The following GPHN variants were observed in gnomAD, a reference collection of about 807,000 sequenced individuals.
GPHN encodes gephyrin.
A neutral mutation model predicts 95.5 loss-of-function variants in GPHN; 17 were observed. The observed-to-expected ratio is 0.18, with a 90% CI of 0.12 to 0.27. The LOEUF is 0.27. GPHN is among the 10% of genes least tolerant of loss of function. The pLI is 1.00. For missense variants in GPHN, 660 were observed against 978.1 expected, an observed-to-expected ratio of 0.67 and a Z score of 4.34; for synonymous variants, 320 against 322.5, an observed-to-expected ratio of 0.99 and a Z score of 0.08.
the GPHN span, among the ~76,000 whole-genome samples, chr14:67,206,510 CA>C: frequency 6.6e-6 from 1 of 151,710 alleles, no homozygotes; most frequent in Non-Finnish European, 1.5e-5. Flanking sequence ...AACAAACAAA[CA>C]AACAAAAAAA....
intron 4 of GPHN, among the ~76,000 whole-genome samples, chr14:66,873,354 A>G (rs1327346496): frequency 6.6e-6 from 1 of 152,222 alleles, no homozygotes; most frequent in Non-Finnish European, 1.5e-5. Flanking sequence ...GCAGACACCA[A>G]GCTAGCTGCA....
the GPHN span, among the ~76,000 whole-genome samples, chr14:67,526,077 T>C: frequency 7.2e-5 from 11 of 152,230 alleles, no homozygotes; most frequent in African/African-American, 2.2e-4. Flanking sequence ...CTGATTCCTT[T>C]GTGTGGGTCC....
At chr14:67,298,178 T>A in the GPHN span, among the ~76,000 whole-genome samples, 1 of 152,160 alleles carries the variant, frequency 6.6e-6, no homozygotes. Flanking sequence ...CACTCAGAAC[T>A]AGAATGGTCA....
At chr14:66,729,655 C>G (rs1157168982) in intron 2 of GPHN, among the ~76,000 whole-genome samples, 1 of 152,078 alleles carries the variant, frequency 6.6e-6, no homozygotes, top group Non-Finnish European at 1.5e-5. Context: ...CATCAGAGAT[C>G]ATTATTTTTT....
At chr14:67,362,855 A>G in the GPHN span, among the ~76,000 whole-genome samples, 28,882 of 152,106 alleles carry the variant, frequency 0.19, 4,407 homozygotes, top group East Asian at 0.48. Context: ...CTTAACTACT[A>G]TCTATCTTTA....
chr14:67,305,109 G>T, the GPHN span, among the ~76,000 whole-genome samples: 14 of 152,260 alleles, frequency 9.2e-5, no homozygotes, highest in South Asian at 1.5e-3. Context: ...TCTGTGCATT[G>T]TGCTGTTCCC....
chr14:67,058,190 A>G (rs1261173082), intron 10 of GPHN, among the ~76,000 whole-genome samples: 1 of 152,198 alleles, frequency 6.6e-6, no homozygotes, highest in Non-Finnish European at 1.5e-5. Context: ...TTTATATTTC[A>G]ATCCTTTTTT....
the GPHN span, among the ~76,000 whole-genome samples, chr14:67,373,842 A>AGTGTGT: frequency 0.017 from 2,432 of 145,782 alleles, 58 homozygotes; most frequent in East Asian, 0.055. Flanking sequence ...TAATTTGTTC[A>AGTGTGT]GTGTGTGTGT....
At chr14:67,723,110 A>G in the GPHN span, among the ~76,000 whole-genome samples, 1 of 152,204 alleles carries the variant, frequency 6.6e-6, no homozygotes, top group Non-Finnish European at 1.5e-5. Flanking sequence ...GCTGTTAAGT[A>G]CCAGGTAGTT....
chr14:66,826,715 AGGGCAAGGTATAG>A (rs1377373027), intron 4 of GPHN, among the ~76,000 whole-genome samples: 2 of 152,188 alleles, frequency 1.3e-5, no homozygotes, highest in African/African-American at 4.8e-5. Context: ...GGAGATGCAC[AGGGCAAGGTATAG>A]GGGCAAGGAG....
In GPHN at chr14:66,796,914, G is replaced by T. The variant is rs867909371; in HGVS notation, c.201+20393G>T. Among the ~76,000 whole-genome samples the T allele has an allele frequency of 4.3e-4, 65 of 150,862 alleles. 1 individual carries two copies. Among genetic ancestry groups the T allele is most frequent in the Admixed American group, 4.0e-4 (6 of 15,126 alleles). On this transcript the variant is annotated intron_variant, in intron 3 of 22. Coordinates refer to ENST00000478722, the MANE Select transcript of GPHN (RefSeq NM_020806.5). The stretch of plus-strand genomic sequence containing the variant: ...TTTGCCCAGATCAATGTCCTGGAGA[G>T]TTTCCCCTATGTTTTCTTGTAGTTT...
At chr14:66,574,046 CTAACTTTGCATTTTCTGGTAGTTTG>C (rs1219184704) in intron 1 of GPHN, among the ~76,000 whole-genome samples, 1 of 152,166 alleles carries the variant, frequency 6.6e-6, no homozygotes, top group Non-Finnish European at 1.5e-5. Context: ...TATGCTACTA[CTAACTTTGCATTTTCTGGTAGTTTG>C]TAGATTCTTT....
At chr14:67,625,479 G>A in the GPHN span, among the ~76,000 whole-genome samples, 2 of 151,746 alleles carry the variant, frequency 1.3e-5, no homozygotes, top group Non-Finnish European at 2.9e-5. Context: ...AGGAGTTCGA[G>A]ACCAGCCTCA....
the GPHN span, among the ~76,000 whole-genome samples, chr14:67,543,316 G>A: frequency 2.6e-5 from 4 of 152,222 alleles, no homozygotes; most frequent in Non-Finnish European, 5.9e-5. Flanking sequence ...TCCTGGACTA[G>A]TCTGGACTAG....
chr14:67,285,797 T>G, the GPHN span, among the ~76,000 whole-genome samples: 3 of 152,208 alleles, frequency 2.0e-5, no homozygotes, highest in African/African-American at 4.8e-5. Flanking sequence ...GTTGCCTGTT[T>G]CAGAGTCCAT....
the GPHN span, among the ~76,000 whole-genome samples, chr14:67,663,659 G>A: frequency 6.6e-6 from 1 of 152,096 alleles, no homozygotes; most frequent in South Asian, 2.1e-4. Context: ...GGGCGACAGA[G>A]GGAGACTCCA....
At chr14:66,940,428 C>A (rs1297477067) in intron 8 of GPHN, among the ~76,000 whole-genome samples, 1 of 152,124 alleles carries the variant, frequency 6.6e-6, no homozygotes. Context: ...GTTCCTCTTT[C>A]TTTCCTCCAT....
At chr14:67,416,594 C>T in the GPHN span, among the ~76,000 whole-genome samples, 1 of 152,224 alleles carries the variant, frequency 6.6e-6, no homozygotes, top group Non-Finnish European at 1.5e-5. Flanking sequence ...GCTAGTTGCT[C>T]TGCTACAACA....
At chr14:67,706,527 C>A in the GPHN span, among the ~76,000 whole-genome samples, 2 of 152,154 alleles carry the variant, frequency 1.3e-5, no homozygotes, top group Non-Finnish European at 2.9e-5. Context: ...GGAGGGACAG[C>A]TCGAAGCATG....
Sources: gnomAD v4.1 joint callset for allele counts (sites outside exome capture counted in the v4.1 genomes callset) on GRCh38, gnomAD v4.1.1 for gene constraint, MANE v1.5 for transcripts, NCBI Gene and HGNC (gene_info 2026-07-23, HGNC 2026-07-21) for gene names.